The following DBP variants were observed in gnomAD, a reference collection of about 807,000 sequenced individuals.
DBP encodes the protein D site-binding protein.
Under a neutral mutation model 21.4 loss-of-function variants are expected in DBP, and 12 were observed. That is an observed-to-expected ratio of 0.56 (90% CI 0.36 to 0.91). The LOEUF (loss-of-function observed/expected upper bound fraction) is 0.91, where lower values mean the gene tolerates loss of function less well. Among genes scored for constraint, DBP ranks in the 40% least tolerant of loss-of-function variants. DBP has a pLI of 0.01. For synonymous variants in DBP, 213 were observed against 224.9 expected, an observed-to-expected ratio of 0.95 and a Z score of 0.47; for missense variants, 423 against 473.4, an observed-to-expected ratio of 0.89 and a Z score of 0.99.
At chr19:48,635,111 G>A (rs1230898519) in intron 2 of DBP, 78 of 988,560 alleles carry the variant, frequency 7.9e-5, no homozygotes, top group Non-Finnish European at 8.9e-5. Context: ...GACCTGGGCT[G>A]CCAGTCTCTT....
chr19:48,633,521 G>A lies in DBP; in HGVS notation c.685C>T (p.Arg229Cys), dbSNP rs751646047. 8.7e-6 allele frequency: 14 copies of A among 1,614,070 alleles called. No individual in the cohort carries two copies. Among genetic ancestry groups the A allele is most frequent in the South Asian group, 4.4e-5 (4 of 91,092 alleles). Residue 229 changes from arginine (R) to cysteine (C), a missense_variant, in exon 3 of 4, where the codon CGC becomes TGC. Arg to Cys is a radical substitution (Grantham distance 180). This residue lies in a region of DBP where 77 missense variants were observed against 97.1 expected (regional missense o/e 0.79). Transcript: ENST00000222122. ...GHETFDPRRH[R>C]FSEEELKPQP... ...GGCTTAAGTTCCTCTTCTGAGAAGCGATGTCTTCGAGGGTCAAAGGTCTCG... is the reference window on the plus strand; with the variant it reads ...GGCTTAAGTTCCTCTTCTGAGAAGCAATGTCTTCGAGGGTCAAAGGTCTCG...
chr19:48,635,551 C>A, intron 2 of DBP, 29 bp downstream of exon 2: 1 of 1,437,854 alleles, frequency 7.0e-7, no homozygotes, highest in Non-Finnish European at 9.1e-7. Flanking sequence ...CCCGCCCCGT[C>A]AGGACCCGCC....
Position 48,635,583 on chromosome 19 carries a change from C to T in DBP, c.547G>A (p.Ala183Thr). The change falls in exon 2 of 4, where the codon GCA (alanine) becomes ACA (threonine). Residue 183 changes from alanine (A) to threonine (T), a missense_variant. Transcript: ENST00000222122. ...CGCCCCGCCCCCTTCGCCGCACCTG[C>T]GCGGTGGCCGCTGGCGGTCCCGAGG... Reference protein sequence around the residue: ...AALGTASGHRAGLTSRDTPSP... With the variant: ...AALGTASGHRTGLTSRDTPSP... The T allele has an allele frequency of 7.3e-7, 1 of 1,368,194 alleles. No individual in the cohort carries two copies. The highest frequency in any genetic ancestry group is 9.3e-7 in the Non-Finnish European group (1 of 1,070,600). 84.8% of individuals were successfully genotyped at this position (1,368,194 alleles called of 1,614,324 possible). A position where few individuals can be genotyped will look rare whatever the true frequency, so the allele number is the denominator to read the frequency against.
chr19:48,636,427 G>A (rs1290476480), intron 1 of DBP, among the ~76,000 whole-genome samples: 1 of 151,880 alleles, frequency 6.6e-6, no homozygotes, highest in Non-Finnish European at 1.5e-5. Flanking sequence ...ATCTGTAAGG[G>A]GCAGGAAGGG....
intron 2 of DBP, chr19:48,635,164 G>A: frequency 9.8e-7 from 1 of 1,021,862 alleles, no homozygotes; most frequent in Non-Finnish European, 1.2e-6. Context: ...CTTTGCCTTT[G>A]CCCCTGTAAA....
In DBP at chr19:48,635,839, C is replaced by G; in HGVS notation, c.291G>C (p.Pro97=). Residue 97 remains proline, a synonymous_variant, in exon 2 of 4, where the codon CCG becomes CCC. Transcript: ENST00000222122. ...PRGRPGPVPA[P]GLLAPLLWER... ...CCCACAGCAGTGGCGCCAACAGACCCGGGGCGGGCACCGGCCCCGGGCGCC... is the reference window on the plus strand; with the variant it reads ...CCCACAGCAGTGGCGCCAACAGACCGGGGGCGGGCACCGGCCCCGGGCGCC... 1 of 1,412,130 alleles carries G rather than the reference C, an allele frequency of 7.1e-7. No homozygotes were observed. Among genetic ancestry groups the G allele is most frequent in the Non-Finnish European group, 9.1e-7 (1 of 1,093,448 alleles). 87.5% of individuals were successfully genotyped at this position (1,412,130 alleles called of 1,614,324 possible).
chr19:48,635,443 C>A (rs1398453616), intron 2 of DBP, 137 bp downstream of exon 2: 1 of 1,477,058 alleles, frequency 6.8e-7, no homozygotes, highest in East Asian at 2.9e-5. Flanking sequence ...CCCCCTCCCA[C>A]GACACCTCTC....
chr19:48,633,222 C>G lies in DBP; in HGVS notation c.762+222G>C, dbSNP rs547348. 3.0e-5 allele frequency: 19 copies of G among 624,908 alleles called. No individual in the cohort carries two copies. In the Admixed American group the frequency reaches 3.7e-4, roughly 12 times the overall value. The allele number at this position is 624,908 out of a possible 1,614,324, so 38.7% of individuals were successfully genotyped here. On this transcript the variant is annotated intron_variant, in intron 3 of 3. Transcript: ENST00000222122. ...TCAGCCCCCTAAAATGCTGGGATTA[C>G]ACGAGTGAGGCCCCTCGCCCAGTTG...
At chr19:48,632,248 T>G (rs935419176) in intron 3 of DBP, 1 of 152,060 alleles carries the variant, frequency 6.6e-6, no homozygotes. Context: ...GCGATTTTCC[T>G]ACATTAGCCT....
chr19:48,630,455 C>G lies in DBP; in HGVS notation c.*382G>C. 6 of 1,464,374 alleles carry G rather than the reference C, an allele frequency of 4.1e-6. No individual in the cohort carries two copies. Among genetic ancestry groups the G allele is most frequent in the Non-Finnish European group, 5.4e-6 (6 of 1,113,514 alleles). 90.7% of individuals were successfully genotyped at this position (1,464,374 alleles called of 1,614,324 possible). ...ACAGCCCGCGGGAGGACTCAGACTC[C>G]AGCACTTCCAGCAGCGCCTGCCCTC... On this transcript the variant is annotated 3_prime_UTR_variant, in exon 4 of 4. Coordinates refer to ENST00000222122, the MANE Select transcript of DBP (RefSeq NM_001352.5). This position sits in a 1 kb window ranked among gnomAD's most constrained non-coding sequence, Gnocchi z 4.9.
At position 48,635,695 on chromosome 19, in the gene DBP, C is replaced by T; in HGVS notation, c.435G>A (p.Ala145=). 2.3e-6 allele frequency: 3 copies of T among 1,321,422 alleles called. No individual in the cohort carries two copies. Among genetic ancestry groups the T allele is most frequent in the South Asian group, 2.2e-5 (1 of 46,212 alleles). 81.9% of individuals were successfully genotyped at this position (1,321,422 alleles called of 1,614,324 possible). A position where few individuals can be genotyped will look rare whatever the true frequency, so the allele number is the denominator to read the frequency against. ...PGGPSPEPSP[A]RTPAPSPGPG... ...GCCCTGGGGAGGGTGCGGGCGTCCG[C>T]GCGGGCGACGGCTCCGGCGACGGGC... Residue 145 remains alanine (A), a synonymous_variant, in exon 2 of 4, where the codon GCG becomes GCA. Coordinates refer to ENST00000222122, the MANE Select transcript of DBP (RefSeq NM_001352.5).
At chr19:48,634,158 T>C (rs1296246953) in intron 2 of DBP, 1 of 167,358 alleles carries the variant, frequency 6.0e-6, no homozygotes, top group Non-Finnish European at 1.3e-5. Context: ...TGCTTAGAGA[T>C]CATGGAGCCA....
chr19:48,631,146 C>A (rs573223982), intron 3 of DBP, 94 bp from the exon 4 acceptor site: 2 of 1,110,666 alleles, frequency 1.8e-6, no homozygotes, highest in Admixed American at 2.3e-5. Context: ...CTAAACCACA[C>A]CAGGTCTCTG....
Position 48,633,672 on chromosome 19 carries a change from G to GT in DBP, c.551-18dup. 1 of 1,607,746 alleles carries GT rather than the reference G, an allele frequency of 6.2e-7. No homozygotes were observed. The highest frequency in any genetic ancestry group is 1.3e-5 in the African/African-American group (1 of 74,898). ...AGGTCAGGCCTTGGGGAAACAGCAC[G>GT]TGTCAGCTGAGTGTGTATTTTAAGG... On this transcript the variant is annotated splice_polypyrimidine_tract_variant and intron_variant, in intron 2 of 3. Coordinates refer to ENST00000222122, the MANE Select transcript of DBP (RefSeq NM_001352.5).
In DBP at chr19:48,636,805, C is replaced by T. The variant is rs755508163; in HGVS notation, c.139+51G>A. On this transcript the variant is annotated intron_variant, in intron 1 of 3. Transcript: ENST00000222122. ...GGACCCCACCCCACGGCACCTGAGTCCCTAAGGGGGTAGGGTGTCCGAAGT... is the reference window on the plus strand; with the variant it reads ...GGACCCCACCCCACGGCACCTGAGTTCCTAAGGGGGTAGGGTGTCCGAAGT... The T allele has an allele frequency of 2.5e-6, 4 of 1,597,782 alleles. No homozygotes were observed. The Admixed American group carries it at 5.2e-5, about 21-fold the overall frequency.
intron 2 of DBP, chr19:48,635,000 C>T: frequency 1.0e-6 from 1 of 986,062 alleles, no homozygotes; most frequent in South Asian, 4.6e-5. Flanking sequence ...AAGCTTGGCC[C>T]CAGCCCCAAT....
At position 48,630,159 on chromosome 19, in the gene DBP, T is replaced by C. The variant is rs1165789537; in HGVS notation, c.*678A>G. On this transcript the variant is annotated 3_prime_UTR_variant, in exon 4 of 4. Transcript: ENST00000222122. The surrounding 1 kb of genome is among the most constrained non-coding windows in gnomAD (Gnocchi z 4.9). Reference sequence around the variant, plus strand: ...ATGTACTGGCTGGGGTAGGCCTCAGTGAGTCGGCCGGTCAGGGCCCGCAGC... The same window carrying C: ...ATGTACTGGCTGGGGTAGGCCTCAGCGAGTCGGCCGGTCAGGGCCCGCAGC... The C allele has an allele frequency of 1.6e-6, 2 of 1,241,768 alleles. No homozygotes were observed. The highest frequency in any genetic ancestry group is 3.1e-5 in the African/African-American group (2 of 64,602). The allele number at this position is 1,241,768 out of a possible 1,614,324, so 76.9% of individuals were successfully genotyped here.
In DBP at chr19:48,630,162, G is replaced by A. The variant is rs1033295382; in HGVS notation, c.*675C>T. ...TACTGGCTGGGGTAGGCCTCAGTGA[G>A]TCGGCCGGTCAGGGCCCGCAGCCTC... On this transcript the variant is annotated 3_prime_UTR_variant, in exon 4 of 4. Transcript: ENST00000222122. This position sits in a 1 kb window ranked among gnomAD's most constrained non-coding sequence, Gnocchi z 4.9. The A allele has an allele frequency of 8.1e-7, 1 of 1,241,512 alleles. No individual in the cohort carries two copies. Among genetic ancestry groups the A allele is most frequent in the African/African-American group, 1.5e-5 (1 of 64,604 alleles). The allele number at this position is 1,241,512 out of a possible 1,614,324, so 76.9% of individuals were successfully genotyped here.
chr19:48,635,409 C>T (rs746530323), intron 2 of DBP, 171 bp downstream of exon 2: 1 of 1,468,020 alleles, frequency 6.8e-7, no homozygotes. Context: ...TGGTCCCTGA[C>T]CCATTAAGAG....
Sources: allele counts gnomAD v4.1 joint callset (sites outside exome capture counted in the v4.1 genomes callset), GRCh38; gene constraint gnomAD v4.1.1; regional missense constraint gnomAD v4.1.1; non-coding constraint Gnocchi (gnomAD v3.1); transcripts MANE v1.5; gene names NCBI Gene and HGNC (gene_info 2026-07-23, HGNC 2026-07-21).